The following RPAP2 variants were observed in gnomAD, a reference collection of about 807,000 sequenced individuals.
RPAP2 encodes the protein putative RNA polymerase II subunit B1 CTD phosphatase RPAP2.
RPAP2 carries 52 observed loss-of-function variants against 73.1 expected under a neutral mutation model. The observed-to-expected ratio is 0.71, with a 90% CI of 0.57 to 0.90. The LOEUF is 0.90. Ranked by LOEUF, RPAP2 falls within the 40% of genes least tolerant of loss-of-function variation. RPAP2 has a pLI of 0.00. For synonymous variants in RPAP2, 225 were observed against 242.1 expected (o/e 0.93, Z 0.65); for missense variants, 598 against 701.8 (o/e 0.85, Z 1.67).
intron 2 of RPAP2, 94 bp downstream of exon 2, chr1:92,300,333 T>TA (rs1557584255): frequency 5.2e-6 from 5 of 957,264 alleles, no homozygotes; most frequent in African/African-American, 3.3e-5. Context: ...CTTTTTTTTT[T>TA]TAGAGAAAAT....
chr1:92,342,018 A>G (rs1336091530), intron 10 of RPAP2, among the ~76,000 whole-genome samples: 1 of 152,232 alleles, frequency 6.6e-6, no homozygotes, highest in African/African-American at 2.4e-5. Flanking sequence ...CTTTGGCTAT[A>G]TGCTAGATAC....
At chr1:92,303,934 T>G (rs1157976954) in intron 3 of RPAP2, 43 bp from the exon 4 acceptor site, 1 of 1,381,408 alleles carries the variant, frequency 7.2e-7, no homozygotes, top group East Asian at 2.3e-5. Context: ...AAATGAACTT[T>G]TCTATTAAAC....
intron 11 of RPAP2, among the ~76,000 whole-genome samples, chr1:92,355,781 T>A (rs999401790): frequency 2.0e-5 from 3 of 152,198 alleles, no homozygotes; most frequent in Admixed American, 6.5e-5. Flanking sequence ...TTGGAGTGTT[T>A]CAGATTTTGG....
intron 7 of RPAP2, among the ~76,000 whole-genome samples, chr1:92,322,833 C>G (rs1652366786): frequency 6.7e-6 from 1 of 148,324 alleles, no homozygotes; most frequent in South Asian, 2.1e-4. Context: ...GCTGAGTTCA[C>G]ACCATTGCAC....
intron 6 of RPAP2, among the ~76,000 whole-genome samples, chr1:92,317,456 C>T (rs560924983): frequency 2.6e-4 from 40 of 151,780 alleles, no homozygotes; most frequent in Admixed American, 2.0e-3. Flanking sequence ...TGCAGTGAGC[C>T]GAGATTGTGC....
At position 92,313,059 on chromosome 1, in the gene RPAP2, G is replaced by A. The variant is rs1432192423; in HGVS notation, c.488+5783G>A. Among the ~76,000 whole-genome samples the A allele has an allele frequency of 2.0e-5, 3 of 152,116 alleles. No individual in the cohort carries two copies. The South Asian group carries it at 6.2e-4, about 32-fold the overall frequency. On this transcript the variant is annotated intron_variant, in intron 6 of 12. Transcript: ENST00000610020. ...TTTTGTATTTTTAGTAGAGATGGGG[G>A]TTTTGCCATGTTGGCCAGGCTGGTC...
At chr1:92,381,226 C>CAGTG (rs1655615530) in intron 12 of RPAP2, among the ~76,000 whole-genome samples, 1 of 152,186 alleles carries the variant, frequency 6.6e-6, no homozygotes, top group Admixed American at 6.5e-5. Context: ...TCGGCTACTG[C>CAGTG]AGTGATCCAT....
rs775621174 is a variant in RPAP2 at position 92,333,448 on chromosome 1, A to G, written c.1513A>G (p.Ile505Val). 1.2e-6 allele frequency: 2 copies of G among 1,613,524 alleles called. No homozygotes were observed. Among genetic ancestry groups the G allele is most frequent in the Non-Finnish European group, 1.7e-6 (2 of 1,179,542 alleles). ...SSSQNQIRKR[I>V]VLEKLSKVLP... ...TTCCCAGAACCAGATTAGAAAACGC[A>G]TCGTACTTGAAAAGTTGAGTAAAGT... Residue 505 changes from isoleucine (I) to valine (V), a missense_variant, in exon 9 of 13, where the codon ATC (isoleucine) becomes GTC (valine). By Grantham distance (29) the Ile-to-Val change is conservative. Around this residue, in one of 3 missense-constraint regions of RPAP2, gnomAD observed 506 missense variants for 612.8 expected, o/e 0.83. Transcript: ENST00000610020.
chr1:92,305,166 C>T (rs1651115212), intron 5 of RPAP2, among the ~76,000 whole-genome samples: 1 of 151,690 alleles, frequency 6.6e-6, no homozygotes, highest in Non-Finnish European at 1.5e-5. Context: ...GGCGCCCTGG[C>T]TCAAGCCTGT....
At chr1:92,340,961 G>A (rs867359739) in intron 10 of RPAP2, among the ~76,000 whole-genome samples, 1 of 152,008 alleles carries the variant, frequency 6.6e-6, no homozygotes, top group Non-Finnish European at 1.5e-5. Context: ...ATGAATCAAG[G>A]TATTTCAATC....
rs924004376 is a variant in RPAP2 at position 92,299,069 on chromosome 1, C to G, written c.-5C>G. ...GTGTCCCCGTCCGGCAGACTACTCT[C>G]CCCCATGGCGGACTTCGCTGGGCCG... On this transcript the variant is annotated 5_prime_UTR_variant, in exon 1 of 13. Coordinates refer to ENST00000610020, the MANE Select transcript of RPAP2 (RefSeq NM_024813.3). The G allele has an allele frequency of 2.5e-5, 37 of 1,496,026 alleles. No homozygotes were observed. Among genetic ancestry groups the G allele is most frequent in the East Asian group, 7.8e-5 (3 of 38,260 alleles). 92.7% of individuals were successfully genotyped at this position (1,496,026 alleles called of 1,614,324 possible). A position where few individuals can be genotyped will look rare whatever the true frequency, so the allele number is the denominator to read the frequency against.
At chr1:92,338,244 T>C (rs1653387172) in intron 10 of RPAP2, among the ~76,000 whole-genome samples, 1 of 152,204 alleles carries the variant, frequency 6.6e-6, no homozygotes, top group South Asian at 2.1e-4. Flanking sequence ...ATTTTTACCC[T>C]CATTAGGTGT....
chr1:92,340,081 G>C (rs913840070), intron 10 of RPAP2, among the ~76,000 whole-genome samples: 11 of 152,062 alleles, frequency 7.2e-5, no homozygotes, highest in African/African-American at 2.7e-4. Flanking sequence ...AAAGCTTTGG[G>C]AAAATAAGCC....
At chr1:92,383,500 G>T (rs199640315) in intron 12 of RPAP2, among the ~76,000 whole-genome samples, 136 of 152,188 alleles carry the variant, frequency 8.9e-4, no homozygotes, top group African/African-American at 3.1e-3. Context: ...TTGTAAGTTG[G>T]ATTCCTAGGT....
chr1:92,392,076 A>AC lies in RPAP2; in HGVS notation c.*5066dup, dbSNP rs1656062625. The AC allele has an allele frequency of 6.6e-6, 1 of 152,212 alleles. No homozygotes were observed. Among genetic ancestry groups the AC allele is most frequent in the Non-Finnish European group, 1.5e-5 (1 of 68,050 alleles). The allele number at this position is 152,212 out of a possible 1,614,324, so 9.4% of individuals were successfully genotyped here. A position where few individuals can be genotyped will look rare whatever the true frequency, so the allele number is the denominator to read the frequency against. On this transcript the variant is annotated 3_prime_UTR_variant, in exon 13 of 13. Coordinates refer to ENST00000610020, the MANE Select transcript of RPAP2 (RefSeq NM_024813.3). Reference sequence around the variant, plus strand: ...GATACCAAAGCCTGGCAGAGACACAACAAAAAAAGAGAATTTTAGGCCAAT... The same window carrying AC: ...GATACCAAAGCCTGGCAGAGACACAACCAAAAAAAGAGAATTTTAGGCCAAT...
In RPAP2 at chr1:92,400,152, C is replaced by T. The variant is rs2101477286; in HGVS notation, c.*13141C>T. 1 of 152,282 alleles carries T rather than the reference C, an allele frequency of 6.6e-6. No homozygotes were observed. Among genetic ancestry groups the T allele is most frequent in the East Asian group, 1.9e-4 (1 of 5,172 alleles). The allele number at this position is 152,282 out of a possible 1,614,324, so 9.4% of individuals were successfully genotyped here. On this transcript the variant is annotated 3_prime_UTR_variant, in exon 13 of 13. Transcript: ENST00000610020. ...TCTGGAGAGAGAGAGGGAGCTAAAA[C>T]AGGACTCAATCAAAACCCACTTGGG...
Position 92,380,807 on chromosome 1 carries a change from T to G in RPAP2, c.1772T>G (p.Leu591Ter), listed in dbSNP as rs768166519. 1.2e-6 allele frequency: 2 copies of G among 1,608,078 alleles called. No individual in the cohort carries two copies. Among genetic ancestry groups the G allele is most frequent in the Non-Finnish European group, 1.7e-6 (2 of 1,177,684 alleles). The change falls in exon 12 of 13, where the codon TTA becomes TGA. Residue 591 changes from leucine (L) to a stop codon, truncating the protein, a stop_gained. Transcript: ENST00000610020. LOFTEE classifies it high-confidence loss of function. ...TTTCTAGACACCCTCCTTGAAGAAT[T>G]ACATCTAAAAAATGAAGACCTTGAA... Reference protein sequence around the residue: ...TRFLDTLLEELHLKNEDLESL... With the variant: ...TRFLDTLLEE
At chr1:92,370,671 A>G (rs1043805304) in intron 11 of RPAP2, among the ~76,000 whole-genome samples, 1 of 152,110 alleles carries the variant, frequency 6.6e-6, no homozygotes, top group Non-Finnish European at 1.5e-5. Flanking sequence ...CTATATTAAG[A>G]AAGGGTCTAT....
intron 10 of RPAP2, among the ~76,000 whole-genome samples, chr1:92,339,720 T>A (rs185179500): frequency 3.8e-4 from 58 of 152,240 alleles, no homozygotes; most frequent in African/African-American, 1.3e-3. Context: ...ATTATTATTA[T>A]TAATGAAAAA....
Sources: gnomAD v4.1 joint callset for allele counts (sites outside exome capture counted in the v4.1 genomes callset) on GRCh38, gnomAD v4.1.1 for gene constraint, gnomAD v4.1.1 regional missense constraint, MANE v1.5 for transcripts, NCBI Gene and HGNC (gene_info 2026-07-23, HGNC 2026-07-21) for gene names.